The following GSE1 variants were observed in gnomAD, a reference collection of about 807,000 sequenced individuals.
GSE1 encodes the protein Gse1 coiled-coil protein.
GSE1 carries 32 observed loss-of-function variants against 112.6 expected under a neutral mutation model. That is an observed-to-expected ratio of 0.28 (90% CI 0.21 to 0.38). The LOEUF is 0.38. GSE1 is among the 10% of genes least tolerant of loss of function. The pLI is 1.00. For missense variants in GSE1, 2,348 were observed against 1,699.2 expected, an observed-to-expected ratio of 1.38 and a Z score of -6.71; for synonymous variants, 1,115 against 735.6, an observed-to-expected ratio of 1.52 and a Z score of -8.35.
chr16:85,626,031 C>G (rs920803564), intron 1 of GSE1, among the ~76,000 whole-genome samples: 2 of 152,134 alleles, frequency 1.3e-5, no homozygotes, highest in African/African-American at 4.8e-5. Context: ...AAGGGCTGTC[C>G]TTTGCCTTAG....
In GSE1 at chr16:85,661,127, G is replaced by A. The variant is rs778993772; in HGVS notation, c.1641-19G>A. 1.3e-6 allele frequency: 2 copies of A among 1,546,658 alleles called. No homozygotes were observed. The highest frequency in any genetic ancestry group is 1.8e-6 in the Non-Finnish European group (2 of 1,142,636). ...AAGGGTCTTTTCTCCCTGACTGAAG[G>A]GTTGGTTTCACTCCCTAGGCCAGGA... is the stretch of plus-strand genomic sequence containing the variant. On this transcript the variant is annotated intron_variant, in intron 8 of 15. Coordinates refer to ENST00000253458, the MANE Select transcript of GSE1 (RefSeq NM_014615.5).
chr16:85,331,401 ATG>A (rs2046347633), intron 1 of GSE1, among the ~76,000 whole-genome samples: 1 of 137,104 alleles, frequency 7.3e-6, no homozygotes, highest in African/African-American at 2.6e-5. Context: ...ATGTGTATAT[ATG>A]TATATATATG....
At chr16:85,191,221 C>G (rs979472925) in intron 1 of GSE1, among the ~76,000 whole-genome samples, 5 of 152,302 alleles carry the variant, frequency 3.3e-5, no homozygotes, top group African/African-American at 1.2e-4. Context: ...GATTGCACCA[C>G]TGCACTGCAG....
At chr16:85,205,071 C>CT (rs397976096) in intron 1 of GSE1, among the ~76,000 whole-genome samples, 3 of 152,014 alleles carry the variant, frequency 2.0e-5, no homozygotes, top group Non-Finnish European at 4.4e-5. Context: ...TGGATCTCCC[C>CT]GCAGCCCCTG....
At chr16:85,175,821 G>C (rs9922261) in intron 1 of GSE1, among the ~76,000 whole-genome samples, 24,430 of 152,116 alleles carry the variant, frequency 0.16, 3,448 homozygotes, top group African/African-American at 0.39. Context: ...CCGCAGCCCG[G>C]TTTCAGGAGG....
chr16:85,446,440 C>T (rs1451360718), intron 2 of GSE1, among the ~76,000 whole-genome samples: 8 of 152,202 alleles, frequency 5.3e-5, no homozygotes, highest in Non-Finnish European at 5.9e-5. Context: ...ACGCCTGGCA[C>T]GTGATAGGCA....
intron 15 of GSE1, among the ~76,000 whole-genome samples, chr16:85,671,484 G>A (rs1318832619): frequency 6.7e-6 from 1 of 149,952 alleles, no homozygotes; most frequent in Admixed American, 6.6e-5. Context: ...GCATGCAATG[G>A]CTTACACCTG....
upstream of GSE1, among the ~76,000 whole-genome samples, chr16:85,553,881 G>A (rs2151249131): frequency 6.6e-6 from 1 of 152,332 alleles, no homozygotes; most frequent in South Asian, 2.1e-4. Context: ...CATTTAGCAG[G>A]GACCCCGGGG....
At chr16:85,427,633 C>T (rs560133320) in intron 2 of GSE1, among the ~76,000 whole-genome samples, 1 of 151,930 alleles carries the variant, frequency 6.6e-6, no homozygotes, top group Non-Finnish European at 1.5e-5. Context: ...CAGAGCAGCA[C>T]TCCATCTCAA....
At chr16:85,212,024 T>G (rs893678756) in intron 1 of GSE1, among the ~76,000 whole-genome samples, 1 of 152,208 alleles carries the variant, frequency 6.6e-6, no homozygotes, top group Non-Finnish European at 1.5e-5. Flanking sequence ...CTGAGCCATG[T>G]CCCTCAACTT....
At chr16:85,289,193 C>T (rs939591839) in intron 1 of GSE1, among the ~76,000 whole-genome samples, 1 of 152,186 alleles carries the variant, frequency 6.6e-6, no homozygotes, top group African/African-American at 2.4e-5. Flanking sequence ...CAGGCATGAC[C>T]TGCTACATGG....
At chr16:85,349,977 A>G (rs2046821511) in intron 1 of GSE1, among the ~76,000 whole-genome samples, 1 of 152,190 alleles carries the variant, frequency 6.6e-6, no homozygotes, top group Non-Finnish European at 1.5e-5. Context: ...TGCGGGGACT[A>G]GGTACTTGAC....
upstream of GSE1, chr16:85,555,685 T>G: frequency 2.2e-6 from 1 of 463,220 alleles, no homozygotes; most frequent in Non-Finnish European, 2.6e-6. Context: ...GCCCCCCCCT[T>G]CCTTTTTCCT....
intron 2 of GSE1, among the ~76,000 whole-genome samples, chr16:85,375,780 G>T (rs1172319503): frequency 6.6e-6 from 1 of 152,198 alleles, no homozygotes; most frequent in African/African-American, 2.4e-5. Context: ...CACACTGCCC[G>T]CCTCCAGTAC....
chr16:85,255,239 G>T (rs377078978), intron 1 of GSE1, among the ~76,000 whole-genome samples: 2 of 152,118 alleles, frequency 1.3e-5, no homozygotes, highest in African/African-American at 2.4e-5. Context: ...GACTCCTGCT[G>T]CCTGGGAGAC....
At chr16:85,235,761 G>C (rs1270399111) in intron 1 of GSE1, among the ~76,000 whole-genome samples, 1 of 151,802 alleles carries the variant, frequency 6.6e-6, no homozygotes, top group African/African-American at 2.4e-5. Context: ...CCCGCCCCAG[G>C]AAGCGTGGCG....
At chr16:85,260,072 C>T (rs888729448) in intron 1 of GSE1, among the ~76,000 whole-genome samples, 11 of 152,118 alleles carry the variant, frequency 7.2e-5, no homozygotes, top group Admixed American at 1.3e-4. Context: ...CTGGTGTCCC[C>T]GTGTGAGCCC....
chr16:85,585,550 T>C (rs1170081553), intron 1 of GSE1, among the ~76,000 whole-genome samples: 1 of 152,180 alleles, frequency 6.6e-6, no homozygotes, highest in Non-Finnish European at 1.5e-5. Flanking sequence ...TCTGCCCAGC[T>C]GGGTCTCCAT....
chr16:85,665,089 A>G lies in GSE1; in HGVS notation c.2719A>G (p.Thr907Ala), dbSNP rs746278212. 8.7e-6 allele frequency: 14 copies of G among 1,612,070 alleles called. No individual in the cohort carries two copies. The highest frequency in any genetic ancestry group is 1.2e-5 in the Non-Finnish European group (14 of 1,178,394). The change falls in exon 12 of 16, where the codon ACA (threonine) becomes GCA (alanine). Residue 907 changes from threonine to alanine, a missense_variant. Physicochemically the swap from Thr to Ala is moderately conservative, Grantham distance 58. Transcript: ENST00000253458. Reference protein sequence around the residue: ...ALSAAVADSLTNSPRDSPAVS... With the variant: ...ALSAAVADSLANSPRDSPAVS... ...GTCAGCAGCAGTGGCCGACTCCTTG[A>G]CAAACTCTCCGAGGGACAGTCCTGC...
Sources: gnomAD v4.1 joint callset for allele counts (sites outside exome capture counted in the v4.1 genomes callset) on GRCh38, gnomAD v4.1.1 for gene constraint, MANE v1.5 for transcripts, NCBI Gene and HGNC (gene_info 2026-07-23, HGNC 2026-07-21) for gene names.